Variants in MGAT5B observed in about 807,000 individuals in gnomAD.
The protein encoded by MGAT5B is alpha-1,6-mannosylglycoprotein 6-beta-N-acetylglucosaminyltransferase B, also known as N-acetylglucosaminyl-transferase Vb.
MGAT5B carries 54 observed loss-of-function variants against 95.1 expected under a neutral mutation model. The observed-to-expected ratio is 0.57, with a 90% CI of 0.46 to 0.71. The LOEUF (loss-of-function observed/expected upper bound fraction) is 0.71, where lower values mean the gene tolerates loss of function less well. Ranked by LOEUF, MGAT5B falls within the 30% of genes least tolerant of loss-of-function variation. MGAT5B has a pLI of 0.00. For synonymous variants in MGAT5B, 464 were observed against 451.0 expected (o/e 1.03, Z -0.36); for missense variants, 935 against 1,088.6 (o/e 0.86, Z 1.99).
intron 15 of MGAT5B, among the ~76,000 whole-genome samples, chr17:76,943,135 T>C (rs1020870555): frequency 4.0e-5 from 6 of 151,810 alleles, no homozygotes; most frequent in Non-Finnish European, 7.4e-5. Context: ...AAGAAATTGA[T>C]AACTGGGGGA....
In MGAT5B at chr17:76,906,270, TG is replaced by T. The variant is rs976488704; in HGVS notation, c.1025+86del. ...CCCCACCCCTCCCTCCCAGGGGCTG[TG>T]GGAGCACCTGCTCTGCCTGCAGGTC... On this transcript the variant is annotated intron_variant, in intron 8 of 17. Transcript: ENST00000569840. The surrounding 1 kb of genome is among the most constrained non-coding windows in gnomAD (Gnocchi z 4.6). 1.5e-6 allele frequency: 2 copies of T among 1,370,588 alleles called. No individual in the cohort carries two copies. The allele number at this position is 1,370,588 out of a possible 1,614,324, so 84.9% of individuals were successfully genotyped here. A position where few individuals can be genotyped will look rare whatever the true frequency, so the allele number is the denominator to read the frequency against.
At chr17:76,871,343 C>T in intron 1 of MGAT5B, among the ~76,000 whole-genome samples, 1 of 152,202 alleles carries the variant, frequency 6.6e-6, no homozygotes, top group Non-Finnish European at 1.5e-5. Flanking sequence ...AGGCGTCCCT[C>T]TGCGCTAAGG....
At chr17:76,923,650 G>A (rs917005710) in intron 8 of MGAT5B, among the ~76,000 whole-genome samples, 1 of 152,214 alleles carries the variant, frequency 6.6e-6, no homozygotes, top group South Asian at 2.1e-4. Flanking sequence ...ACGCTGATCA[G>A]ATCTCTGCTC....
At chr17:76,921,866 G>C (rs766520914) in intron 8 of MGAT5B, among the ~76,000 whole-genome samples, 2 of 152,206 alleles carry the variant, frequency 1.3e-5, no homozygotes, top group African/African-American at 4.8e-5. Context: ...TTCCTAATCT[G>C]TAAAGATGGG....
intron 2 of MGAT5B, among the ~76,000 whole-genome samples, chr17:76,876,496 A>G (rs16969378): frequency 0.13 from 20,015 of 152,012 alleles, 1,562 homozygotes; most frequent in East Asian, 0.36. Flanking sequence ...CAACAAAACA[A>G]TCTGTGTACA....
chr17:76,944,686 C>T (rs1025065508), intron 15 of MGAT5B, among the ~76,000 whole-genome samples: 17 of 152,136 alleles, frequency 1.1e-4, no homozygotes, highest in African/African-American at 3.6e-4. Context: ...TGCAGGGGGA[C>T]GTCAGTGCTG....
chr17:76,899,494 G>A (rs202087952), intron 3 of MGAT5B, among the ~76,000 whole-genome samples: 61 of 152,160 alleles, frequency 4.0e-4, no homozygotes, highest in East Asian at 7.7e-4. Context: ...AAAATTAGCC[G>A]GACGTGGTGG....
chr17:76,877,753 C>A (rs1967245662), intron 2 of MGAT5B, among the ~76,000 whole-genome samples: 1 of 152,152 alleles, frequency 6.6e-6, no homozygotes, highest in Admixed American at 6.5e-5. Context: ...CTTCTCAGTG[C>A]CAGGGAGGTC....
chr17:76,882,176 C>T lies in MGAT5B; in HGVS notation c.207C>T (p.Gly69=), dbSNP rs773311939. ...TGATGGGGGGCCCCGAGTCCCGCGG[C>T]GTCCTGCGCAAGATGAGCGACCTGC... ...TEVMGGPESR[G]VLRKMSDLLE... The change falls in exon 3 of 18, where the codon GGC becomes GGT. Residue 69 remains glycine, a synonymous_variant. Coordinates refer to ENST00000569840, the MANE Select transcript of MGAT5B (RefSeq NM_001199172.2). 2.1e-5 allele frequency: 34 copies of T among 1,612,218 alleles called. No individual in the cohort carries two copies. The highest frequency in any genetic ancestry group is 1.1e-4 in the South Asian group (10 of 90,862).
intron 5 of MGAT5B, among the ~76,000 whole-genome samples, chr17:76,903,943 G>T (rs1598935383): frequency 6.6e-6 from 1 of 152,212 alleles, no homozygotes; most frequent in Non-Finnish European, 1.5e-5. Context: ...GCAGGGAGAC[G>T]GGGACCAGAG....
At chr17:76,928,302 G>A (rs1041845811) in intron 10 of MGAT5B, among the ~76,000 whole-genome samples, 7 of 152,120 alleles carry the variant, frequency 4.6e-5, no homozygotes, top group Non-Finnish European at 8.8e-5. Flanking sequence ...TTTCTGGAGG[G>A]AAAGGAAATG....
Position 76,870,355 on chromosome 17 carries a change from T to G in MGAT5B, c.68+1258T>G, listed in dbSNP as rs1429419993. On this transcript the variant is annotated intron_variant, in intron 1 of 17. Coordinates refer to ENST00000569840, the MANE Select transcript of MGAT5B (RefSeq NM_001199172.2). This position sits in a 1 kb window ranked among gnomAD's most constrained non-coding sequence, Gnocchi z 5.0. ...AGCTGGTGCAGGCCGTGGGTGGTGATGGGGGCGTCGGGAGCCCATGGGAAG... is the reference window on the plus strand; with the variant it reads ...AGCTGGTGCAGGCCGTGGGTGGTGAGGGGGGCGTCGGGAGCCCATGGGAAG... 6.6e-6 allele frequency among the ~76,000 whole-genome samples: 1 copy of G among 151,796 alleles called. No individual in the cohort carries two copies. The highest frequency in any genetic ancestry group is 1.5e-5 in the Non-Finnish European group (1 of 67,890).
Position 76,869,107 on chromosome 17 carries a change from C to T in MGAT5B, c.68+10C>T, listed in dbSNP as rs1180941762. ...CCCTGAGACCCTTTCGGTAAAGTTC[C>T]CTCCTGGTTGGTTTTTTCCCCAGGG... On this transcript the variant is annotated intron_variant, in intron 1 of 17. Coordinates refer to ENST00000569840, the MANE Select transcript of MGAT5B (RefSeq NM_001199172.2). This position sits in a 1 kb window ranked among gnomAD's most constrained non-coding sequence, Gnocchi z 7.0. The T allele has an allele frequency of 6.8e-6, 11 of 1,613,870 alleles. No homozygotes were observed. Among genetic ancestry groups the T allele is most frequent in the Non-Finnish European group, 7.6e-6 (9 of 1,179,816 alleles).
Position 76,902,608 on chromosome 17 carries a change from T to C in MGAT5B, c.383T>C (p.Val128Ala). Reference sequence around the variant, plus strand: ...CGGATCCAGGCTATTGCCCAGAACGTCTCCGACATCGCTGTGAAGGTGGAC... The same window carrying C: ...CGGATCCAGGCTATTGCCCAGAACGCCTCCGACATCGCTGTGAAGGTGGAC... ...MERIQAIAQN[V>A]SDIAVKVDQI... The change falls in exon 4 of 18, where the codon GTC becomes GCC. Residue 128 changes from valine to alanine, a missense_variant. Around this residue, in one of 4 missense-constraint regions of MGAT5B, gnomAD observed 243 missense variants for 228.2 expected, o/e 1.06. Coordinates refer to ENST00000569840, the MANE Select transcript of MGAT5B (RefSeq NM_001199172.2). The C allele has an allele frequency of 6.2e-7, 1 of 1,604,154 alleles. No homozygotes were observed. Among genetic ancestry groups the C allele is most frequent in the Non-Finnish European group, 8.5e-7 (1 of 1,175,152 alleles).
At position 76,868,820 on chromosome 17, in the gene MGAT5B, C is replaced by T; in HGVS notation, c.-210C>T. ...GGCGGAGACGCAGAGACGGCCCGGC[C>T]GGGCGCCCTCGCCGCCCTCCGGCAG... On this transcript the variant is annotated 5_prime_UTR_variant, in exon 1 of 18. Transcript: ENST00000569840. This position sits in a 1 kb window ranked among gnomAD's most constrained non-coding sequence, Gnocchi z 6.3. The T allele has an allele frequency of 3.2e-6, 1 of 316,104 alleles. No homozygotes were observed. Among genetic ancestry groups the T allele is most frequent in the Non-Finnish European group, 5.7e-6 (1 of 174,640 alleles). 19.6% of individuals were successfully genotyped at this position (316,104 alleles called of 1,614,324 possible).
intron 15 of MGAT5B, among the ~76,000 whole-genome samples, chr17:76,941,865 A>G (rs1969871467): frequency 6.6e-6 from 1 of 152,194 alleles, no homozygotes; most frequent in Non-Finnish European, 1.5e-5. Flanking sequence ...CCTCTGCAAG[A>G]TGGGGTAGGT....
intron 8 of MGAT5B, chr17:76,913,535 A>G: frequency 2.7e-6 from 1 of 365,166 alleles, no homozygotes; most frequent in Non-Finnish European, 5.5e-6. Flanking sequence ...GGCCCAGGGG[A>G]GGTGTGGCAT....
intron 8 of MGAT5B, among the ~76,000 whole-genome samples, chr17:76,919,478 A>G (rs1969055170): frequency 6.6e-6 from 1 of 152,228 alleles, no homozygotes; most frequent in South Asian, 2.1e-4. Context: ...TGCCCAGGCT[A>G]GAGTGCAACG....
chr17:76,899,404 G>T (rs1968222317), intron 3 of MGAT5B, among the ~76,000 whole-genome samples: 1 of 152,188 alleles, frequency 6.6e-6, no homozygotes. Context: ...AGCACTTTCA[G>T]AGACTGAGGC....
Sources: gnomAD v4.1 joint callset for allele counts (sites outside exome capture counted in the v4.1 genomes callset) on GRCh38, gnomAD v4.1.1 for gene constraint, gnomAD v4.1.1 regional missense constraint, Gnocchi (gnomAD v3.1) non-coding constraint, MANE v1.5 for transcripts, NCBI Gene and HGNC (gene_info 2026-07-23, HGNC 2026-07-21) for gene names.